The following AVEN variants were observed in gnomAD, a reference collection of about 807,000 sequenced individuals.
The protein encoded by AVEN is apoptosis and caspase activation inhibitor, also known as cell death regulator Aven.
In AVEN, 41 loss-of-function variants were observed where a neutral mutation model predicts 38.1. The observed-to-expected ratio is 1.08, with a 90% CI of 0.84 to 1.40. AVEN has a LOEUF of 1.40. Among genes scored for constraint, AVEN ranks in the 40% most tolerant of loss-of-function variants. The pLI is 0.00. For missense variants in AVEN, 605 were observed against 438.8 expected (o/e 1.38, Z -3.38); for synonymous variants, 206 against 171.8 (o/e 1.20, Z -1.56).
intron 1 of AVEN, among the ~76,000 whole-genome samples, chr15:34,007,995 T>C (rs977881500): frequency 6.6e-6 from 1 of 152,246 alleles, no homozygotes; most frequent in Non-Finnish European, 1.5e-5. Flanking sequence ...GACCTTACTT[T>C]ATCTTTGATT....
At chr15:33,900,643 C>T (rs191345422) in intron 2 of AVEN, among the ~76,000 whole-genome samples, 5 of 150,086 alleles carry the variant, frequency 3.3e-5, no homozygotes, top group African/African-American at 1.2e-4. Context: ...AAAAACTGAT[C>T]GCATAGCAAA....
At chr15:33,857,408 C>T (rs61506923), downstream of AVEN, among the ~76,000 whole-genome samples, 17,958 of 151,828 alleles carry the variant, frequency 0.12, 1,322 homozygotes, top group Middle Eastern at 0.2. Context: ...AGATTGGTTG[C>T]GGGCCCATCT....
chr15:33,987,216 G>C (rs1002944762), intron 2 of AVEN, among the ~76,000 whole-genome samples: 1 of 152,194 alleles, frequency 6.6e-6, no homozygotes, highest in African/African-American at 2.4e-5. Flanking sequence ...CAGTGACTAA[G>C]AATGTACAAT....
In AVEN at chr15:34,064,143, C is replaced by T. The variant is rs1900446340; in HGVS notation, n.1127-711G>A. Reference sequence around the variant, plus strand: ...CTGTGACAAGTGTGTCCCAGTCACCCTGTGGCACTTGGGCTATTGGTTGTG... The same window carrying T: ...CTGTGACAAGTGTGTCCCAGTCACCTTGTGGCACTTGGGCTATTGGTTGTG... On this transcript the variant is annotated intron_variant and non_coding_transcript_variant, in intron 4 of 11. Coordinates refer to the AVEN transcript ENST00000675287. 4 of 1,614,080 alleles carry T rather than the reference C, an allele frequency of 2.5e-6. No homozygotes were observed. In the African/African-American group the frequency reaches 5.3e-5, roughly 22 times the overall value.
At chr15:33,868,576 G>A (rs1890802115) in intron 4 of AVEN, among the ~76,000 whole-genome samples, 2 of 145,560 alleles carry the variant, frequency 1.4e-5, no homozygotes, top group African/African-American at 2.5e-5. Flanking sequence ...AAAGTCACCA[G>A]GAAGTAATTA....
chr15:33,887,998 T>A (rs1425660089), intron 2 of AVEN, among the ~76,000 whole-genome samples: 2 of 152,084 alleles, frequency 1.3e-5, no homozygotes, highest in East Asian at 1.9e-4. Context: ...GGAGAGCAGA[T>A]GAGAAAGAAC....
chr15:33,911,062 T>A (rs111636959), intron 2 of AVEN, among the ~76,000 whole-genome samples: 8 of 152,214 alleles, frequency 5.3e-5, no homozygotes, highest in African/African-American at 1.9e-4. Context: ...CTAAACTGCA[T>A]AGAAGCCAAC....
intron 2 of AVEN, among the ~76,000 whole-genome samples, chr15:33,974,181 G>A (rs907757192): frequency 6.6e-6 from 1 of 152,070 alleles, no homozygotes; most frequent in Non-Finnish European, 1.5e-5. Flanking sequence ...GATCTAAATT[G>A]GTCTTGCTAT....
chr15:34,019,231 A>C (rs958977929), intron 1 of AVEN, among the ~76,000 whole-genome samples: 1 of 152,240 alleles, frequency 6.6e-6, no homozygotes, highest in Admixed American at 6.5e-5. Context: ...TAATGGATGT[A>C]ATTGTTTGTG....
chr15:33,962,040 C>A (rs919666487), intron 2 of AVEN, among the ~76,000 whole-genome samples: 4 of 152,158 alleles, frequency 2.6e-5, no homozygotes, highest in East Asian at 3.9e-4. Flanking sequence ...ACACCCCACA[C>A]AGAAAGATTG....
intron 1 of AVEN, among the ~76,000 whole-genome samples, chr15:34,026,816 T>C (rs1282270556): frequency 6.6e-6 from 1 of 152,160 alleles, no homozygotes; most frequent in African/African-American, 2.4e-5. Context: ...AAACTTCCCC[T>C]GCGGTCTTTT....
intron 1 of AVEN, 124 bp downstream of exon 1, chr15:34,038,639 CCGCCCGTCCCGCGCAGG>C (rs1379150120): frequency 4.5e-5 from 33 of 738,220 alleles, no homozygotes; most frequent in Non-Finnish European, 4.1e-5. Context: ...GCGCCACCAT[CCGCCCGTCCCGCGCAGG>C]CGCCGGCGCC....
intron 5 of AVEN, chr15:34,046,720 G>C (rs1899699054): frequency 6.6e-6 from 1 of 152,240 alleles, no homozygotes; most frequent in African/African-American, 2.4e-5. Context: ...AGTGAATACA[G>C]CGCCTTCAAC....
chr15:33,976,373 A>G (rs1895887989), intron 2 of AVEN, among the ~76,000 whole-genome samples: 1 of 152,234 alleles, frequency 6.6e-6, no homozygotes, highest in African/African-American at 2.4e-5. Flanking sequence ...TTTCTCTAAA[A>G]TACTTTAAAA....
intron 2 of AVEN, among the ~76,000 whole-genome samples, chr15:34,068,812 A>ATT (rs750452283): frequency 4.0e-5 from 1 of 24,726 alleles, no homozygotes; most frequent in Non-Finnish European, 7.6e-5. Context: ...CCTACAATCC[A>ATT]ATTTTTTTTT....
At chr15:33,910,547 C>A (rs1284538600) in intron 2 of AVEN, among the ~76,000 whole-genome samples, 1 of 152,204 alleles carries the variant, frequency 6.6e-6, no homozygotes, top group African/African-American at 2.4e-5. Flanking sequence ...TATACAAGGT[C>A]TTCCTCTCTC....
At chr15:33,853,919 C>T (rs979271269), downstream of AVEN, among the ~76,000 whole-genome samples, 10 of 152,184 alleles carry the variant, frequency 6.6e-5, no homozygotes, top group African/African-American at 1.7e-4. Context: ...TTGGGCTGGG[C>T]GCAGTGGCTC....
chr15:33,936,595 A>C (rs1230070527), intron 2 of AVEN, among the ~76,000 whole-genome samples: 1 of 152,154 alleles, frequency 6.6e-6, no homozygotes. Context: ...AATACAAACA[A>C]AATCTATACA....
chr15:33,889,432 A>C (rs1477872347), intron 2 of AVEN, among the ~76,000 whole-genome samples: 1 of 152,166 alleles, frequency 6.6e-6, no homozygotes, highest in Admixed American at 6.6e-5. Flanking sequence ...TGTGCACACT[A>C]TGAGCTTAGC....
Sources: gnomAD v4.1 joint callset for allele counts (sites outside exome capture counted in the v4.1 genomes callset) on GRCh38, gnomAD v4.1.1 for gene constraint, MANE v1.5 for transcripts, NCBI Gene and HGNC (gene_info 2026-07-23, HGNC 2026-07-21) for gene names.